CDK19: variants seen among roughly 807,000 people sequenced by gnomAD.
CDK19 encodes cyclin-dependent kinase 19.
In CDK19, 20 loss-of-function variants were observed where a neutral mutation model predicts 68.3. The observed-to-expected ratio is 0.29, with a 90% CI of 0.21 to 0.43. The LOEUF (loss-of-function observed/expected upper bound fraction) is 0.43, where lower values mean the gene tolerates loss of function less well. Among genes scored for constraint, CDK19 ranks in the 20% least tolerant of loss-of-function variants. The probability of loss-of-function intolerance (pLI) is 1.00; values close to 1 mark genes in which losing one functional copy is unlikely to be tolerated. For missense variants in CDK19, 339 were observed against 623.5 expected, an observed-to-expected ratio of 0.54 and a Z score of 4.86; for synonymous variants, 221 against 222.8, an observed-to-expected ratio of 0.99 and a Z score of 0.07.
intron 2 of CDK19, among the ~76,000 whole-genome samples, chr6:110,722,869 A>G (rs182693847): frequency 3.0e-4 from 46 of 152,154 alleles, no homozygotes; most frequent in African/African-American, 1.1e-3. Flanking sequence ...CCTATCTCAA[A>G]AAAAAAAGGA....
chr6:110,646,331 C>G, intron 4 of CDK19: 4 of 1,474,294 alleles, frequency 2.7e-6, no homozygotes, highest in African/African-American at 1.4e-5. Context: ...AACGGGCCCA[C>G]GACGGCATGC....
At position 110,687,644 on chromosome 6, in the gene CDK19, A is replaced by T. The variant is rs75297733; in HGVS notation, c.205-17103T>A. Among the ~76,000 whole-genome samples, 12 of 152,376 alleles carry T rather than the reference A, an allele frequency of 7.9e-5. No individual in the cohort carries two copies. In the East Asian group the frequency reaches 2.3e-3, roughly 29 times the overall value. ...CACAATGAAGTAAATGATTTCTTTT[A>T]TACTAAGCATTTACTAATTTTAATC... On this transcript the variant is annotated intron_variant, in intron 2 of 12. Transcript: ENST00000368911.
chr6:110,723,263 C>A (rs1223896504), intron 2 of CDK19, among the ~76,000 whole-genome samples: 2 of 151,986 alleles, frequency 1.3e-5, no homozygotes, highest in East Asian at 3.8e-4. Flanking sequence ...GCCTAGGTAC[C>A]AGACATGTTG....
At chr6:110,681,247 A>G (rs1452810151) in intron 2 of CDK19, among the ~76,000 whole-genome samples, 3 of 149,914 alleles carry the variant, frequency 2.0e-5, no homozygotes, top group African/African-American at 7.4e-5. Flanking sequence ...TCGAGAGACT[A>G]AGGCAGGACA....
chr6:110,777,213 A>C (rs1780467305), intron 1 of CDK19, among the ~76,000 whole-genome samples: 1 of 152,248 alleles, frequency 6.6e-6, no homozygotes, highest in Non-Finnish European at 1.5e-5. Flanking sequence ...ATATGTAACA[A>C]AATGAGAAAT....
Position 110,815,295 on chromosome 6 carries a change from A to C in CDK19, c.-159T>G. 1.3e-6 allele frequency: 1 copy of C among 764,638 alleles called. No individual in the cohort carries two copies. Among genetic ancestry groups the C allele is most frequent in the Non-Finnish European group, 1.8e-6 (1 of 544,074 alleles). The allele number at this position is 764,638 out of a possible 1,614,324, so 47.4% of individuals were successfully genotyped here. On this transcript the variant is annotated 5_prime_UTR_variant, in exon 1 of 13. Transcript: ENST00000368911. ...CGCCGCTCCGCGGTCCGCCTTCAGC[A>C]AGGGACTCCTCGGCGGCCACAGCAG... is the stretch of plus-strand genomic sequence containing the variant.
At chr6:110,734,144 G>A (rs1223765774) in intron 2 of CDK19, among the ~76,000 whole-genome samples, 5 of 151,968 alleles carry the variant, frequency 3.3e-5, no homozygotes, top group Admixed American at 2.6e-4. Context: ...CAAGTAGCTG[G>A]GATTACAGGC....
chr6:110,774,965 A>T (rs1411365096), intron 1 of CDK19, among the ~76,000 whole-genome samples: 2 of 152,008 alleles, frequency 1.3e-5, no homozygotes. Flanking sequence ...AATACAAAAT[A>T]GGCTGGGTGC....
At chr6:110,660,415 G>A (rs1781547738) in intron 4 of CDK19, among the ~76,000 whole-genome samples, 1 of 152,192 alleles carries the variant, frequency 6.6e-6, no homozygotes, top group Admixed American at 6.5e-5. Flanking sequence ...TGCCCTTTTA[G>A]CTTTGCCATC....
At chr6:110,660,196 G>A (rs555971253) in intron 4 of CDK19, among the ~76,000 whole-genome samples, 18 of 152,120 alleles carry the variant, frequency 1.2e-4, no homozygotes, top group Admixed American at 2.0e-4. Flanking sequence ...TGACCCCTTC[G>A]CAGGCTGGAA....
chr6:110,756,208 A>G (rs1778824484), intron 1 of CDK19, among the ~76,000 whole-genome samples: 1 of 151,922 alleles, frequency 6.6e-6, no homozygotes, highest in Non-Finnish European at 1.5e-5. Context: ...TGGCCAACAT[A>G]GTGAAACCCT....
chr6:110,782,184 G>C (rs1490047352), intron 1 of CDK19, among the ~76,000 whole-genome samples: 1 of 152,116 alleles, frequency 6.6e-6, no homozygotes, highest in Non-Finnish European at 1.5e-5. Flanking sequence ...AGGAAAATAA[G>C]AACAAAAGGA....
intron 12 of CDK19, among the ~76,000 whole-genome samples, chr6:110,617,928 G>C (rs1778446977): frequency 1.4e-5 from 2 of 147,288 alleles, no homozygotes; most frequent in African/African-American, 5.0e-5. Flanking sequence ...AAAAACCTAG[G>C]ACATCATTAT....
intron 1 of CDK19, among the ~76,000 whole-genome samples, chr6:110,790,862 A>C (rs1781543124): frequency 6.6e-6 from 1 of 152,028 alleles, no homozygotes; most frequent in Admixed American, 6.6e-5. Context: ...ATGTATACAG[A>C]CTATAGTTAT....
chr6:110,749,642 G>A (rs936786299), intron 1 of CDK19, among the ~76,000 whole-genome samples: 2 of 152,000 alleles, frequency 1.3e-5, no homozygotes, highest in African/African-American at 4.8e-5. Context: ...TTACAGGCCT[G>A]TACCACCGCG....
intron 1 of CDK19, among the ~76,000 whole-genome samples, chr6:110,776,116 C>T (rs867509623): frequency 6.6e-6 from 1 of 152,138 alleles, no homozygotes; most frequent in Non-Finnish European, 1.5e-5. Context: ...AGCGACTTAA[C>T]AAAAGCTGTT....
intron 11 of CDK19, 45 bp downstream of exon 11, chr6:110,622,043 C>A (rs1296025344): frequency 2.7e-6 from 3 of 1,119,220 alleles, no homozygotes; most frequent in Admixed American, 4.5e-5. Flanking sequence ...TATCTTTTTG[C>A]CTCCCTTGCT....
chr6:110,654,856 A>G (rs1197830013), intron 4 of CDK19, among the ~76,000 whole-genome samples: 1 of 151,860 alleles, frequency 6.6e-6, no homozygotes, highest in Non-Finnish European at 1.5e-5. Context: ...CAGGAGAATC[A>G]CTTGAACCCG....
intron 8 of CDK19, among the ~76,000 whole-genome samples, chr6:110,625,221 A>G (rs1779012594): frequency 6.6e-6 from 1 of 152,166 alleles, no homozygotes; most frequent in South Asian, 2.1e-4. Context: ...CTCACCCCTG[A>G]TTCTGACTCA....
Sources: allele counts gnomAD v4.1 joint callset (sites outside exome capture counted in the v4.1 genomes callset), GRCh38; gene constraint gnomAD v4.1.1; transcripts MANE v1.5; gene names NCBI Gene and HGNC (gene_info 2026-07-23, HGNC 2026-07-21).